The following ZNF396 variants were observed in gnomAD, a reference collection of about 807,000 sequenced individuals.
ZNF396 encodes the protein zinc finger protein 396.
A neutral mutation model predicts 20.5 loss-of-function variants in ZNF396; 14 were observed. That is an observed-to-expected ratio of 0.68 (90% CI 0.45 to 1.07). The LOEUF (loss-of-function observed/expected upper bound fraction) is 1.07, where lower values mean the gene tolerates loss of function less well. Ranked by LOEUF, ZNF396 falls within the 50% of genes least tolerant of loss-of-function variation. ZNF396 has a pLI of 0.00. For synonymous variants in ZNF396, 119 were observed against 140.6 expected (o/e 0.85, Z 1.08); for missense variants, 347 against 390.1 (o/e 0.89, Z 0.93).
intron 1 of ZNF396, among the ~76,000 whole-genome samples, chr18:35,376,529 C>T (rs951976957): frequency 1.3e-5 from 2 of 152,136 alleles, no homozygotes; most frequent in Non-Finnish European, 2.9e-5. Context: ...CAGCAGGGGC[C>T]CTTGTGGTGA....
At chr18:35,370,376 T>G (rs966896686) in intron 3 of ZNF396, among the ~76,000 whole-genome samples, 2 of 152,174 alleles carry the variant, frequency 1.3e-5, no homozygotes, top group Non-Finnish European at 2.9e-5. Context: ...CAAACCTGGC[T>G]TGATGCAGAG....
rs1567957275 is a variant in ZNF396 at position 35,374,497 on chromosome 18, A to G, written c.-72-133T>C. On this transcript the variant is annotated intron_variant, in intron 1 of 3. Transcript: ENST00000589332. This position sits in a 1 kb window ranked among gnomAD's most constrained non-coding sequence, Gnocchi z 4.3. ...TAGTCTTAACAGAAACCATGCTTTTATTTATTTATTTATTTTTGAGATGGA... is the reference window on the plus strand; with the variant it reads ...TAGTCTTAACAGAAACCATGCTTTTGTTTATTTATTTATTTTTGAGATGGA... 9.6e-6 allele frequency: 4 copies of G among 417,854 alleles called. No individual in the cohort carries two copies. Among genetic ancestry groups the G allele is most frequent in the Non-Finnish European group, 1.7e-5 (4 of 232,568 alleles). The allele number at this position is 417,854 out of a possible 1,614,324, so 25.9% of individuals were successfully genotyped here. A position where few individuals can be genotyped will look rare whatever the true frequency, so the allele number is the denominator to read the frequency against.
rs920770780 is a variant in ZNF396, at chr18:35,366,822, A to G, written c.*2393T>C. The stretch of plus-strand genomic sequence containing the variant: ...ACTAGTACCATTCACTCATTAGGAT[A>G]CCTACATAACTGCAAAATAATTCAA... On this transcript the variant is annotated 3_prime_UTR_variant, in exon 4 of 4. Coordinates refer to ENST00000589332, the MANE Select transcript of ZNF396 (RefSeq NM_001322286.2). The G allele has an allele frequency of 6.6e-6, 1 of 152,246 alleles. No individual in the cohort carries two copies. Among genetic ancestry groups the G allele is most frequent in the African/African-American group, 2.4e-5 (1 of 41,462 alleles). 9.4% of individuals were successfully genotyped at this position (152,246 alleles called of 1,614,324 possible).
chr18:35,366,856 G>C lies in ZNF396; in HGVS notation c.*2359C>G, dbSNP rs2045105239. The C allele has an allele frequency of 6.6e-6, 1 of 152,088 alleles. No homozygotes were observed. Among genetic ancestry groups the C allele is most frequent in the Non-Finnish European group, 1.5e-5 (1 of 68,026 alleles). The allele number at this position is 152,088 out of a possible 1,614,324, so 9.4% of individuals were successfully genotyped here. A position where few individuals can be genotyped will look rare whatever the true frequency, so the allele number is the denominator to read the frequency against. On this transcript the variant is annotated 3_prime_UTR_variant, in exon 4 of 4. Coordinates refer to ENST00000589332, the MANE Select transcript of ZNF396 (RefSeq NM_001322286.2). ...ACTGCAAAATAATTCAAAGTACACA[G>C]AGACACCCTTTAAAGATTCATCATA...
intron 3 of ZNF396, chr18:35,373,225 G>A: frequency 1.9e-6 from 1 of 520,876 alleles, no homozygotes. Context: ...TGAAAACCCT[G>A]ATGCAGATGT....
Position 35,374,991 on chromosome 18 carries a change from C to G in ZNF396, c.-72-627G>C, listed in dbSNP as rs76967241. On this transcript the variant is annotated intron_variant, in intron 1 of 3. Transcript: ENST00000589332. This position sits in a 1 kb window ranked among gnomAD's most constrained non-coding sequence, Gnocchi z 4.3. ...AAATAAGGGAAGCCTGAGAAATGCT[C>G]TAACTCTGGAGCCAGTTCAAAGAGC... Among the ~76,000 whole-genome samples, 87 of 152,256 alleles carry G rather than the reference C, an allele frequency of 5.7e-4. 1 individual carries two copies. Among genetic ancestry groups the G allele is most frequent in the African/African-American group, 2.1e-3 (86 of 41,540 alleles).
intron 3 of ZNF396, 68 bp from the exon 4 acceptor site, chr18:35,369,728 TGCTA>T (rs1195202738): frequency 1.1e-5 from 16 of 1,420,074 alleles, no homozygotes; most frequent in Admixed American, 2.3e-5. Context: ...ACATGATTAT[TGCTA>T]GCATGTTTAT....
chr18:35,373,737 C>T, intron 2 of ZNF396, 137 bp from the exon 3 acceptor site: 1 of 1,489,698 alleles, frequency 6.7e-7, no homozygotes, highest in Admixed American at 2.1e-5. Context: ...CTTCTATTTG[C>T]TGGGACACCC....
chr18:35,366,900 C>A lies in ZNF396; in HGVS notation c.*2315G>T, dbSNP rs1353728178. On this transcript the variant is annotated 3_prime_UTR_variant, in exon 4 of 4. Transcript: ENST00000589332. ...CATCATATACTTAGACGATATGATTCATACCACTTTCCTGTGGAAACACTC... is the reference window on the plus strand; with the variant it reads ...CATCATATACTTAGACGATATGATTAATACCACTTTCCTGTGGAAACACTC... 1 of 152,166 alleles carries A rather than the reference C, an allele frequency of 6.6e-6. No homozygotes were observed. Among genetic ancestry groups the A allele is most frequent in the Non-Finnish European group, 1.5e-5 (1 of 68,022 alleles). The allele number at this position is 152,166 out of a possible 1,614,324, so 9.4% of individuals were successfully genotyped here.
chr18:35,373,240 G>T, intron 3 of ZNF396: 1 of 559,832 alleles, frequency 1.8e-6, no homozygotes, highest in Non-Finnish European at 2.8e-6. Flanking sequence ...AGATGTCAGG[G>T]ATTTAAAGTC....
chr18:35,373,315 A>T, intron 3 of ZNF396, 141 bp downstream of exon 3: 1 of 957,704 alleles, frequency 1.0e-6, no homozygotes, highest in Non-Finnish European at 1.4e-6. Flanking sequence ...TTCATTTAGT[A>T]GGACAAATAA....
intron 3 of ZNF396, among the ~76,000 whole-genome samples, chr18:35,371,536 C>A (rs190087744): frequency 6.6e-6 from 1 of 152,202 alleles, no homozygotes; most frequent in Admixed American, 6.5e-5. Context: ...CTGGTGGAGA[C>A]CCTCTGAAGA....
At chr18:35,375,704 G>T (rs1342767525) in intron 1 of ZNF396, among the ~76,000 whole-genome samples, 3 of 152,026 alleles carry the variant, frequency 2.0e-5, no homozygotes, top group Non-Finnish European at 2.9e-5. Context: ...TCATTTTACT[G>T]TTAAGTATCA....
In ZNF396 at chr18:35,369,198, T is replaced by C; in HGVS notation, c.*17A>G. The C allele has an allele frequency of 6.6e-7, 1 of 1,524,682 alleles. No homozygotes were observed. The allele number at this position is 1,524,682 out of a possible 1,614,324, so 94.4% of individuals were successfully genotyped here. A position where few individuals can be genotyped will look rare whatever the true frequency, so the allele number is the denominator to read the frequency against. Reference sequence around the variant, plus strand: ...CTGAAATAGCTCTGAGTAAATGCTTTGATTCCCTCATGATACTTATGGGAC... The same window carrying C: ...CTGAAATAGCTCTGAGTAAATGCTTCGATTCCCTCATGATACTTATGGGAC... On this transcript the variant is annotated 3_prime_UTR_variant, in exon 4 of 4. Transcript: ENST00000589332.
chr18:35,375,044 G>C (rs1393105755), intron 1 of ZNF396, among the ~76,000 whole-genome samples: 2 of 152,042 alleles, frequency 1.3e-5, no homozygotes, highest in Non-Finnish European at 2.9e-5. Context: ...GCTGCAAAGA[G>C]CTCAAAGAAA....
At chr18:35,371,584 C>T (rs1327010179) in intron 3 of ZNF396, among the ~76,000 whole-genome samples, 1 of 152,130 alleles carries the variant, frequency 6.6e-6, no homozygotes, top group East Asian at 1.9e-4. Context: ...GGTGAGGGGG[C>T]TGAGCATGCT....
chr18:35,369,791 G>A, intron 3 of ZNF396, 131 bp from the exon 4 acceptor site: 1 of 966,214 alleles, frequency 1.0e-6, no homozygotes, highest in Non-Finnish European at 1.5e-6. Flanking sequence ...AAAATATTGA[G>A]AAGTTTATAT....
rs936721236 is a variant in ZNF396, at chr18:35,369,770, G to C, written c.563-110C>G. On this transcript the variant is annotated intron_variant, in intron 3 of 3. Coordinates refer to ENST00000589332, the MANE Select transcript of ZNF396 (RefSeq NM_001322286.2). Reference sequence around the variant, plus strand: ...AACAACACACAATGTGAAGGACGGAGAGTGTAAGACAAAATATTGAGAAGT... The same window carrying C: ...AACAACACACAATGTGAAGGACGGACAGTGTAAGACAAAATATTGAGAAGT... The C allele has an allele frequency of 3.5e-6, 4 of 1,137,266 alleles. No homozygotes were observed. The African/African-American group carries it at 6.3e-5, about 18-fold the overall frequency. The allele number at this position is 1,137,266 out of a possible 1,614,324, so 70.4% of individuals were successfully genotyped here. A position where few individuals can be genotyped will look rare whatever the true frequency, so the allele number is the denominator to read the frequency against.
chr18:35,369,169 T>TCCCTTCCCTG lies in ZNF396; in HGVS notation c.*45_*46insCAGGGAAGGG, dbSNP rs371492508. 131 of 1,481,876 alleles carry TCCCTTCCCTG rather than the reference T, an allele frequency of 8.8e-5. No homozygotes were observed. The African/African-American group carries it at 1.2e-3, about 14-fold the overall frequency. 91.8% of individuals were successfully genotyped at this position (1,481,876 alleles called of 1,614,324 possible). ...AGCGTTTGCATCTGGTGTCTTCCCTTGTGCTGAAATAGCTCTGAGTAAATG... is the reference window on the plus strand; with the variant it reads ...AGCGTTTGCATCTGGTGTCTTCCCTTCCCTTCCCTGGTGCTGAAATAGCTCTGAGTAAATG... On this transcript the variant is annotated 3_prime_UTR_variant, in exon 4 of 4. Transcript: ENST00000589332.
Sources: allele counts gnomAD v4.1 joint callset (sites outside exome capture counted in the v4.1 genomes callset), GRCh38; gene constraint gnomAD v4.1.1; non-coding constraint Gnocchi (gnomAD v3.1); transcripts MANE v1.5; gene names NCBI Gene and HGNC (gene_info 2026-07-23, HGNC 2026-07-21).